Variants in RGS22 observed in about 807,000 individuals in gnomAD.
RGS22 encodes the protein regulator of G protein signaling 22.
A neutral mutation model predicts 172.9 loss-of-function variants in RGS22; 148 were observed. The ratio of observed to expected loss-of-function variants is 0.86; its 90% CI spans 0.75 to 0.98. RGS22 has a LOEUF of 0.98. Among genes scored for constraint, RGS22 ranks in the 50% least tolerant of loss-of-function variants. The pLI is 0.00. For missense variants in RGS22, 1,347 were observed against 1,440.8 expected, an observed-to-expected ratio of 0.93 and a Z score of 1.05; for synonymous variants, 458 against 480.2, an observed-to-expected ratio of 0.95 and a Z score of 0.60.
intron 3 of RGS22, among the ~76,000 whole-genome samples, chr8:100,087,407 CT>C (rs1438545570): frequency 6.6e-6 from 1 of 152,012 alleles, no homozygotes; most frequent in African/African-American, 2.4e-5. Flanking sequence ...CTTTGTAGTA[CT>C]AGTCATCCAT....
rs137948609 is a variant in RGS22 at position 99,966,856 on chromosome 8, G to A, written c.3520-1426C>T. ...TCCCATTAAATAATAACTCCTTACT[G>A]CCTTCTATCCCCAGCCCCTGGCAAC... On this transcript the variant is annotated intron_variant, in intron 23 of 27. Coordinates refer to ENST00000360863, the MANE Select transcript of RGS22 (RefSeq NM_015668.5). Among the ~76,000 whole-genome samples, 4 of 152,192 alleles carry A rather than the reference G, an allele frequency of 2.6e-5. No homozygotes were observed. In the East Asian group the frequency reaches 7.7e-4, roughly 29 times the overall value.
chr8:99,961,244 T>C (rs550581132), intron 27 of RGS22, 48 bp from the exon 28 acceptor site: 36 of 437,578 alleles, frequency 8.2e-5, no homozygotes, highest in African/African-American at 5.7e-4. Flanking sequence ...CTATAGAAAA[T>C]ATAAATACAA....
At chr8:99,984,788 GACACACACACACAC>G (rs111285438) in intron 21 of RGS22, among the ~76,000 whole-genome samples, 1 of 139,732 alleles carries the variant, frequency 7.2e-6, no homozygotes, top group Non-Finnish European at 1.6e-5. Flanking sequence ...AGTCTTTACG[GACACACACACACAC>G]ACACACACAC....
intron 14 of RGS22, among the ~76,000 whole-genome samples, chr8:100,033,037 T>C (rs2131550316): frequency 6.6e-6 from 1 of 152,340 alleles, no homozygotes; most frequent in East Asian, 1.9e-4. Context: ...GGGAAATTTA[T>C]AGCACTAAAT....
intron 14 of RGS22, among the ~76,000 whole-genome samples, chr8:100,012,685 A>T (rs1816518047): frequency 6.6e-6 from 1 of 152,156 alleles, no homozygotes; most frequent in Non-Finnish European, 1.5e-5. Context: ...TAAATTACGA[A>T]ACTAAAGATT....
At position 99,961,131 on chromosome 8, in the gene RGS22, T is replaced by A. The variant is rs547934872; in HGVS notation, c.*111A>T. On this transcript the variant is annotated 3_prime_UTR_variant, in exon 28 of 28. Transcript: ENST00000360863. ...TATTTAGATGTTAGGCTTGCTCTGA[T>A]ACAGACCTTCAAAAAAACAAATCAC... The A allele has an allele frequency of 2.2e-6, 1 of 448,502 alleles. No homozygotes were observed. Among genetic ancestry groups the A allele is most frequent in the South Asian group, 1.6e-5 (1 of 61,720 alleles). The allele number at this position is 448,502 out of a possible 1,614,324, so 27.8% of individuals were successfully genotyped here.
At chr8:100,040,777 T>C (rs1007527443) in intron 12 of RGS22, among the ~76,000 whole-genome samples, 1 of 152,220 alleles carries the variant, frequency 6.6e-6, no homozygotes, top group African/African-American at 2.4e-5. Context: ...ATAGAACTCA[T>C]AGACTACTTC....
In RGS22 at chr8:100,002,327, G is replaced by A. The variant is rs754379341; in HGVS notation, c.2665C>T (p.Arg889Trp). 2.0e-5 allele frequency: 32 copies of A among 1,610,754 alleles called. No individual in the cohort carries two copies. The East Asian group carries it at 2.0e-4, about 10-fold the overall frequency. Residue 889 changes from arginine to tryptophan, a missense_variant, in exon 18 of 28, where the codon CGG becomes TGG. Physicochemically the swap from Arg to Trp is moderately radical, Grantham distance 101. Coordinates refer to ENST00000360863, the MANE Select transcript of RGS22 (RefSeq NM_015668.5). The stretch of plus-strand genomic sequence containing the variant: ...TTTCGATCTCTGTAAGTTATTCTCC[G>A]GAACTGCTCAATGTCTGTCCAGCAC... ...LMCWTDIEQF[R>W]RITYRDRNQR...
intron 27 of RGS22, 136 bp downstream of exon 27, chr8:99,962,258 G>A: frequency 1.6e-6 from 1 of 609,978 alleles, no homozygotes; most frequent in Middle Eastern, 2.6e-4. Flanking sequence ...GGGAGGCAAG[G>A]CTCTCCTCCC....
At chr8:100,075,417 G>A (rs1811280363) in intron 4 of RGS22, among the ~76,000 whole-genome samples, 1 of 152,184 alleles carries the variant, frequency 6.6e-6, no homozygotes, top group African/African-American at 2.4e-5. Flanking sequence ...ATGAGTGGGA[G>A]CTTCCTGAGG....
chr8:100,066,910 A>G lies in RGS22; in HGVS notation c.595-614T>C, dbSNP rs16897923. 7.4e-3 allele frequency among the ~76,000 whole-genome samples: 1,131 copies of G among 152,070 alleles called. 14 individuals are homozygous for G. The highest frequency in any genetic ancestry group is 0.026 in the African/African-American group (1,073 of 41,448). ...GAGCATTCCATTTTTCCTTTCCTCT[A>G]TGTACCCCTGAACTAGCCAATTCAA... is the stretch of plus-strand genomic sequence containing the variant. On this transcript the variant is annotated intron_variant, in intron 6 of 27. Transcript: ENST00000360863.
chr8:100,081,750 G>A (rs1247811916), intron 3 of RGS22, among the ~76,000 whole-genome samples: 1 of 152,070 alleles, frequency 6.6e-6, no homozygotes, highest in African/African-American at 2.4e-5. Context: ...AGATTTATCT[G>A]GAGATAGGAA....
chr8:100,090,561 T>C (rs1367664769), intron 3 of RGS22, among the ~76,000 whole-genome samples: 1 of 152,152 alleles, frequency 6.6e-6, no homozygotes, highest in African/African-American at 2.4e-5. Flanking sequence ...GTTCAAATAC[T>C]TGAAAACTAA....
chr8:99,965,393 G>A lies in RGS22; in HGVS notation c.3557C>T (p.Ala1186Val). ...ATCACTGAGTAAAGCAGTTTTGATA[G>A]CAGGCACTGAAGTATTTGCATATTG... is the stretch of plus-strand genomic sequence containing the variant. ...IKQYANTSVP[A>V]IKTALLSDSF... The change falls in exon 24 of 28, where the codon GCT becomes GTT. Residue 1186 changes from alanine (A) to valine (V), a missense_variant. Ala to Val is a moderately conservative substitution (Grantham distance 64). Transcript: ENST00000360863. 6.2e-7 allele frequency: 1 copy of A among 1,613,384 alleles called. No homozygotes were observed. Among genetic ancestry groups the A allele is most frequent in the Non-Finnish European group, 8.5e-7 (1 of 1,179,554 alleles).
chr8:100,009,492 A>G (rs1307918727), intron 14 of RGS22, among the ~76,000 whole-genome samples: 1 of 152,058 alleles, frequency 6.6e-6, no homozygotes, highest in East Asian at 1.9e-4. Flanking sequence ...CCTGCCACAA[A>G]TATCTGTTCC....
chr8:99,975,615 A>AG (rs1298464373), intron 23 of RGS22, among the ~76,000 whole-genome samples: 2 of 152,102 alleles, frequency 1.3e-5, no homozygotes, highest in East Asian at 3.8e-4. Context: ...AAAAAAAAAA[A>AG]AGAAATTTGG....
At chr8:100,105,820 T>C (rs1813891740) in intron 1 of RGS22, 77 bp downstream of exon 1, 1 of 1,301,926 alleles carries the variant, frequency 7.7e-7, no homozygotes, top group East Asian at 2.9e-5. Flanking sequence ...GGGCAGGAGG[T>C]AAAGTCCAGA....
chr8:100,100,626 C>A (rs1813399165), intron 2 of RGS22, among the ~76,000 whole-genome samples: 2 of 152,070 alleles, frequency 1.3e-5, no homozygotes, highest in South Asian at 4.2e-4. Context: ...TTGGGTGAAT[C>A]CACAGATGTG....
chr8:99,989,861 C>CAGACAGAT (rs769300360), intron 20 of RGS22, among the ~76,000 whole-genome samples: 34 of 146,448 alleles, frequency 2.3e-4, no homozygotes, highest in East Asian at 1.0e-3. Context: ...GATAGACAGA[C>CAGACAGAT]AGATAGATAG....
Sources: gnomAD v4.1 joint callset for allele counts (sites outside exome capture counted in the v4.1 genomes callset) on GRCh38, gnomAD v4.1.1 for gene constraint, MANE v1.5 for transcripts, NCBI Gene and HGNC (gene_info 2026-07-23, HGNC 2026-07-21) for gene names.